The following HMGCL variants were observed in gnomAD, a reference collection of about 807,000 sequenced individuals.
HMGCL encodes the protein 3-hydroxy-3-methylglutaryl-CoA lyase, also known as hydroxymethylglutaryl-CoA lyase, mitochondrial.
In HMGCL, 26 loss-of-function variants were observed where a neutral mutation model predicts 37.3. That is an observed-to-expected ratio of 0.70 (90% CI 0.51 to 0.97). The LOEUF is 0.97. Ranked by LOEUF, HMGCL falls within the 50% of genes least tolerant of loss-of-function variation. The pLI, the probability that HMGCL is intolerant of heterozygous loss-of-function variation, is 0.00. For synonymous variants in HMGCL, 151 were observed against 148.0 expected (o/e 1.02, Z -0.15); for missense variants, 379 against 398.1 (o/e 0.95, Z 0.41).
At position 23,808,160 on chromosome 1, in the gene HMGCL, A is replaced by G; in HGVS notation, c.725T>C (p.Leu242Pro). 1 of 1,614,142 alleles carries G rather than the reference A, an allele frequency of 6.2e-7. No homozygotes were observed. The highest frequency in any genetic ancestry group is 8.5e-7 in the Non-Finnish European group (1 of 1,180,022). The stretch of plus-strand genomic sequence containing the variant: ...CTGCAGGGCCATCAAGGTGTTGGCC[A>G]GGGCTTGACCATAGGTGTCATGGCA... ...VHCHDTYGQA[L>P]ANTLMALQMG... Residue 242 changes from leucine to proline, a missense_variant, in exon 7 of 9, where the codon CTG (leucine) becomes CCG (proline). Coordinates refer to ENST00000374490, the MANE Select transcript of HMGCL (RefSeq NM_000191.3).
At chr1:23,812,646 C>T (rs183746913) in intron 5 of HMGCL, among the ~76,000 whole-genome samples, 9 of 152,158 alleles carry the variant, frequency 5.9e-5, no homozygotes, top group East Asian at 3.9e-4. Flanking sequence ...AGAGAGAGCA[C>T]GTGCAAAGGC....
intron 4 of HMGCL, 72 bp downstream of exon 4, chr1:23,816,603 C>T (rs908295079): frequency 9.5e-6 from 9 of 943,280 alleles, no homozygotes; most frequent in East Asian, 4.8e-5. Context: ...GGGACTGAGG[C>T]GCCAAGACAA....
At chr1:23,807,050 T>G (rs1337251861) in intron 7 of HMGCL, 1 of 518,710 alleles carries the variant, frequency 1.9e-6, no homozygotes, top group Non-Finnish European at 3.8e-6. Flanking sequence ...CCTGATAAAT[T>G]TTCAAAAAGG....
intron 5 of HMGCL, among the ~76,000 whole-genome samples, chr1:23,813,084 T>C (rs1193383347): frequency 2.0e-5 from 3 of 151,908 alleles, no homozygotes; most frequent in Non-Finnish European, 4.4e-5. Flanking sequence ...GAGATGGGGT[T>C]TCCCCATGTT....
intron 3 of HMGCL, 25 bp from the exon 4 acceptor site, chr1:23,816,795 A>G (rs1338243061): frequency 7.3e-7 from 1 of 1,363,702 alleles, no homozygotes; most frequent in African/African-American, 1.4e-5. Flanking sequence ...AGACATTGCC[A>G]AGTCATCACC....
chr1:23,817,378 G>A, intron 3 of HMGCL, 98 bp downstream of exon 3: 1 of 749,132 alleles, frequency 1.3e-6, no homozygotes, highest in South Asian at 1.4e-5. Flanking sequence ...AAAGCCAGGG[G>A]CTTGGAAACC....
At chr1:23,819,659 G>C (rs1638675743) in intron 2 of HMGCL, among the ~76,000 whole-genome samples, 1 of 152,180 alleles carries the variant, frequency 6.6e-6, no homozygotes, top group Admixed American at 6.5e-5. Flanking sequence ...AACCCGGGAG[G>C]AGGAGGTTGA....
At chr1:23,807,172 C>T in intron 7 of HMGCL, 1 of 519,030 alleles carries the variant, frequency 1.9e-6, no homozygotes, top group South Asian at 1.4e-5. Flanking sequence ...TGCAGAATTC[C>T]CCTTTACCTG....
intron 2 of HMGCL, among the ~76,000 whole-genome samples, chr1:23,819,354 G>A (rs1638671035): frequency 6.6e-6 from 1 of 152,192 alleles, no homozygotes. Flanking sequence ...CATCTTCACA[G>A]AAAGTGCTGG....
rs1009297015 is a variant in HMGCL, at chr1:23,823,089, T to C, written c.60+2267A>G. On this transcript the variant is annotated intron_variant, in intron 1 of 8. Coordinates refer to ENST00000374490, the MANE Select transcript of HMGCL (RefSeq NM_000191.3). ...TACTCGGGAGGCTGAGGCAGGAGAATTGCTTGAACCCAGGAGGAGGAGGTT... is the reference window on the plus strand; with the variant it reads ...TACTCGGGAGGCTGAGGCAGGAGAACTGCTTGAACCCAGGAGGAGGAGGTT... Among the ~76,000 whole-genome samples, 29 of 150,748 alleles carry C rather than the reference T, an allele frequency of 1.9e-4. No homozygotes were observed. The Admixed American group carries it at 1.9e-3, about 10-fold the overall frequency.
At chr1:23,804,137 G>A (rs545758608) in intron 8 of HMGCL, 4 of 527,188 alleles carry the variant, frequency 7.6e-6, no homozygotes, top group South Asian at 4.1e-5. Flanking sequence ...AAGAGATAGG[G>A]TCTTGCTGTT....
In HMGCL at chr1:23,817,565, C is replaced by T; in HGVS notation, c.163G>A (p.Val55Met). The T allele has an allele frequency of 6.2e-7, 1 of 1,609,220 alleles. No individual in the cohort carries two copies. The highest frequency in any genetic ancestry group is 2.2e-5 in the East Asian group (1 of 44,876). Residue 55 changes from valine to methionine, a missense_variant, in exon 3 of 9, where the codon GTG becomes ATG. Transcript: ENST00000374490. ...QNEKNIVSTP[V>M]KIKLIDMLSE... is the part of the protein sequence containing the mutation. ...AGCATGTCTATCAGCTTGATTTTCA[C>T]TGGAGTAGATACGATATTCTATAGT...
chr1:23,819,278 C>T (rs1638669956), intron 2 of HMGCL, among the ~76,000 whole-genome samples: 1 of 152,148 alleles, frequency 6.6e-6, no homozygotes, highest in South Asian at 2.1e-4. Context: ...AGTCACATCT[C>T]AAGTTCTCAA....
intron 1 of HMGCL, among the ~76,000 whole-genome samples, chr1:23,823,886 A>G (rs2148427601): frequency 6.6e-6 from 1 of 152,148 alleles, no homozygotes; most frequent in African/African-American, 2.4e-5. Context: ...AAAAGAAAGA[A>G]AAGAAAAGAA....
rs138705993 is a variant in HMGCL, at chr1:23,822,077, C to T, written c.61-1484G>A. Among the ~76,000 whole-genome samples, 3 of 152,326 alleles carry T rather than the reference C, an allele frequency of 2.0e-5. No individual in the cohort carries two copies. In the East Asian group the frequency reaches 5.8e-4, roughly 29 times the overall value. On this transcript the variant is annotated intron_variant, in intron 1 of 8. Transcript: ENST00000374490. ...GACCTTGTCTGTCTCAACTCCACTT[C>T]ATCCCTAGTGTTTGGCACCGTGTTT... is the stretch of plus-strand genomic sequence containing the variant.
At chr1:23,820,732 G>T (rs750743173) in intron 1 of HMGCL, 139 bp from the exon 2 acceptor site, 6 of 713,264 alleles carry the variant, frequency 8.4e-6, no homozygotes, top group Non-Finnish European at 1.5e-5. Context: ...TTCACATTTG[G>T]TCTATTTTAG....
rs773312349 is a variant in HMGCL at position 23,804,237 on chromosome 1, A to G, written c.876+163T>C. 2.3e-5 allele frequency: 18 copies of G among 791,010 alleles called. No individual in the cohort carries two copies. In the East Asian group the frequency reaches 3.2e-4, roughly 14 times the overall value. The allele number at this position is 791,010 out of a possible 1,614,324, so 49.0% of individuals were successfully genotyped here. A position where few individuals can be genotyped will look rare whatever the true frequency, so the allele number is the denominator to read the frequency against. On this transcript the variant is annotated intron_variant, in intron 8 of 8. Coordinates refer to ENST00000374490, the MANE Select transcript of HMGCL (RefSeq NM_000191.3). ...GTGACCCTCCTGCCTCAGCCTCCCA[A>G]AGTGCTGAGATTACAGGCATGAGCC...
chr1:23,818,320 G>A (rs1185477405), intron 2 of HMGCL, among the ~76,000 whole-genome samples: 2 of 152,082 alleles, frequency 1.3e-5, no homozygotes, highest in African/African-American at 4.8e-5. Flanking sequence ...TTAGCCAGGC[G>A]TGGTGGCACG....
In HMGCL at chr1:23,812,818, T is replaced by C. The variant is rs181765171; in HGVS notation, c.497+1372A>G. On this transcript the variant is annotated intron_variant, in intron 5 of 8. Coordinates refer to ENST00000374490, the MANE Select transcript of HMGCL (RefSeq NM_000191.3). Reference sequence around the variant, plus strand: ...AGGGTTTGTAAACCTCATTAAAAAGTCTGCACTTGATTAGTCACTGAAAGC... The same window carrying C: ...AGGGTTTGTAAACCTCATTAAAAAGCCTGCACTTGATTAGTCACTGAAAGC... 5.3e-5 allele frequency among the ~76,000 whole-genome samples: 8 copies of C among 152,306 alleles called. No homozygotes were observed. The East Asian group carries it at 1.4e-3, about 26-fold the overall frequency.
Sources: gnomAD v4.1 joint callset for allele counts (sites outside exome capture counted in the v4.1 genomes callset) on GRCh38, gnomAD v4.1.1 for gene constraint, MANE v1.5 for transcripts, NCBI Gene and HGNC (gene_info 2026-07-23, HGNC 2026-07-21) for gene names.